SYNPR: variants seen among roughly 807,000 people sequenced by gnomAD.
The protein encoded by SYNPR is synaptoporin.
In SYNPR, 23 loss-of-function variants were observed where a neutral mutation model predicts 32.9. The observed-to-expected ratio is 0.70, with a 90% confidence interval of 0.50 to 0.99. The LOEUF (loss-of-function observed/expected upper bound fraction) is 0.99. SYNPR is among the 50% of genes least tolerant of loss of function. The pLI is 0.00. For missense variants in SYNPR, 318 were observed against 349.3 expected, an observed-to-expected ratio of 0.91 and a Z score of 0.71; for synonymous variants, 146 against 135.9, an observed-to-expected ratio of 1.07 and a Z score of -0.52.
At chr3:63,417,756 GA>G (rs1012481922) in intron 2 of SYNPR, among the ~76,000 whole-genome samples, 16 of 152,216 alleles carry the variant, frequency 1.1e-4, no homozygotes, top group African/African-American at 2.7e-4. Flanking sequence ...GCCACAGCCT[GA>G]ACTCTACCTT....
intron 4 of SYNPR, among the ~76,000 whole-genome samples, chr3:63,605,854 A>G (rs1375403706): frequency 1.3e-5 from 2 of 152,392 alleles, no homozygotes; most frequent in African/African-American, 4.8e-5. Context: ...AGCAGCAGAC[A>G]GAGGGCCTAT....
At chr3:63,443,165 G>T (rs900897352) in intron 2 of SYNPR, 48 of 1,193,162 alleles carry the variant, frequency 4.0e-5, no homozygotes, top group Non-Finnish European at 3.2e-5. Flanking sequence ...AGCAGGCAGC[G>T]TTCACCAGAG....
chr3:63,570,225 C>A (rs1702862152), intron 4 of SYNPR, among the ~76,000 whole-genome samples: 1 of 152,006 alleles, frequency 6.6e-6, no homozygotes, highest in South Asian at 2.1e-4. Context: ...GGTGAGGGGG[C>A]CAGGGAAAGG....
At chr3:63,554,072 G>A (rs6799615) in intron 3 of SYNPR, among the ~76,000 whole-genome samples, 1,944 of 152,124 alleles carry the variant, frequency 0.013, 53 homozygotes, top group African/African-American at 0.044. Flanking sequence ...TTTTAGTGGG[G>A]GCTGTTCATT....
rs575367911 is a variant in SYNPR at position 63,557,655 on chromosome 3, A to G, written c.408+914A>G. 2.0e-5 allele frequency among the ~76,000 whole-genome samples: 3 copies of G among 152,316 alleles called. No homozygotes were observed. The South Asian group carries it at 6.2e-4, about 32-fold the overall frequency. ...TATGCTTATCAGTTGATTGATCATT[A>G]AAAAATAATTTTCGGTGACATGTTA... On this transcript the variant is annotated intron_variant, in intron 4 of 5. Coordinates refer to ENST00000478300, the MANE Select transcript of SYNPR (RefSeq NM_001130003.2).
chr3:63,471,843 T>C (rs1230702096), intron 2 of SYNPR, among the ~76,000 whole-genome samples: 5 of 152,192 alleles, frequency 3.3e-5, no homozygotes, highest in Non-Finnish European at 5.9e-5. Flanking sequence ...CTCTTTAACC[T>C]ATGAGCTGTT....
chr3:63,413,911 A>C (rs1183584657), intron 2 of SYNPR, among the ~76,000 whole-genome samples: 1 of 152,072 alleles, frequency 6.6e-6, no homozygotes, highest in African/African-American at 2.4e-5. Flanking sequence ...AAGTATCCTC[A>C]AATTAGGAGC....
chr3:63,549,486 G>T (rs573309137), intron 3 of SYNPR, among the ~76,000 whole-genome samples: 1 of 152,216 alleles, frequency 6.6e-6, no homozygotes, highest in East Asian at 1.9e-4. Context: ...CTCAGGCAAG[G>T]TCATTATTCT....
At chr3:63,405,500 G>C (rs1254951199) in intron 2 of SYNPR, among the ~76,000 whole-genome samples, 1 of 152,140 alleles carries the variant, frequency 6.6e-6, no homozygotes, top group Non-Finnish European at 1.5e-5. Context: ...AGAAGGCCTT[G>C]TTTTGTGTTG....
intron 2 of SYNPR, among the ~76,000 whole-genome samples, chr3:63,457,265 A>G (rs988433689): frequency 2.0e-5 from 3 of 152,108 alleles, no homozygotes; most frequent in African/African-American, 4.8e-5. Flanking sequence ...TACCCCTCCC[A>G]CAAGGACAGT....
At chr3:63,293,783 C>CTGTG (rs35599811) in intron 2 of SYNPR, among the ~76,000 whole-genome samples, 72 of 150,292 alleles carry the variant, frequency 4.8e-4, no homozygotes, top group South Asian at 2.1e-3. Context: ...CATGGTTATA[C>CTGTG]TGTGTGTGTG....
At chr3:63,407,000 G>A (rs2088369262) in intron 2 of SYNPR, among the ~76,000 whole-genome samples, 1 of 152,116 alleles carries the variant, frequency 6.6e-6, no homozygotes, top group Non-Finnish European at 1.5e-5. Context: ...ATAATACTTT[G>A]AGTTCATGCG....
At chr3:63,281,210 G>A (rs777990732) in intron 2 of SYNPR, among the ~76,000 whole-genome samples, 5 of 152,110 alleles carry the variant, frequency 3.3e-5, no homozygotes, top group South Asian at 2.1e-4. Context: ...CTTTCATAGC[G>A]CTTGGTTAAA....
chr3:63,600,368 C>T (rs1442590552), intron 4 of SYNPR, among the ~76,000 whole-genome samples: 1 of 152,158 alleles, frequency 6.6e-6, no homozygotes, highest in Non-Finnish European at 1.5e-5. Context: ...GGGCTCCCTG[C>T]CCTCTGGATA....
At chr3:63,275,851 G>T (rs1489528182), upstream of SYNPR, among the ~76,000 whole-genome samples, 1 of 152,146 alleles carries the variant, frequency 6.6e-6, no homozygotes, top group African/African-American at 2.4e-5. Flanking sequence ...GTCATACCCT[G>T]TAAGCTGGTT....
intron 2 of SYNPR, among the ~76,000 whole-genome samples, chr3:63,446,325 G>C (rs1700275903): frequency 6.6e-6 from 1 of 151,036 alleles, no homozygotes; most frequent in African/African-American, 2.4e-5. Flanking sequence ...AGCTGGAAAG[G>C]GCTGAGGTAG....
chr3:63,611,763 G>A (rs1052128437), intron 5 of SYNPR, among the ~76,000 whole-genome samples: 2 of 151,996 alleles, frequency 1.3e-5, no homozygotes, highest in Non-Finnish European at 2.9e-5. Flanking sequence ...AAGACTGAAC[G>A]GCTTGGACTG....
intron 3 of SYNPR, among the ~76,000 whole-genome samples, chr3:63,510,215 G>A (rs1701670659): frequency 6.6e-6 from 1 of 152,136 alleles, no homozygotes; most frequent in Non-Finnish European, 1.5e-5. Flanking sequence ...ATATTCACAA[G>A]GTAAGGTTGT....
At chr3:63,285,710 G>A (rs887355730) in intron 2 of SYNPR, among the ~76,000 whole-genome samples, 1 of 152,150 alleles carries the variant, frequency 6.6e-6, no homozygotes, top group African/African-American at 2.4e-5. Context: ...AAAAGGGTCA[G>A]GAATGCTTCT....
Sources: allele counts gnomAD v4.1 joint callset (sites outside exome capture counted in the v4.1 genomes callset), GRCh38; gene constraint gnomAD v4.1.1; transcripts MANE v1.5; gene names NCBI Gene and HGNC (gene_info 2026-07-23, HGNC 2026-07-21).